Variants in STON1 observed in about 807,000 individuals in gnomAD.
The protein encoded by STON1 is stonin 1, also known as stonin-1.
In STON1, 79 loss-of-function variants were observed where a neutral mutation model predicts 60.9. That is an observed-to-expected ratio of 1.30 (90% CI 1.08 to 1.56). The LOEUF is 1.56. STON1 is among the 40% of genes most tolerant of loss of function. The pLI, the probability that STON1 is intolerant of heterozygous loss-of-function variation, is 0.00. For missense variants in STON1, 1,166 were observed against 858.9 expected, an observed-to-expected ratio of 1.36 and a Z score of -4.47; for synonymous variants, 363 against 306.9, an observed-to-expected ratio of 1.18 and a Z score of -1.91.
At chr2:48,558,761 G>T (rs1223212244) in intron 1 of STON1, among the ~76,000 whole-genome samples, 1 of 152,118 alleles carries the variant, frequency 6.6e-6, no homozygotes, top group Non-Finnish European at 1.5e-5. Context: ...AGCCTTCCTT[G>T]CTCCTGAGCC....
chr2:48,595,308 G>T lies in STON1; in HGVS notation c.*6G>T. The stretch of plus-strand genomic sequence containing the variant: ...GTGACTGCATAACTCAGTAGGAGTA[G>T]CAAGAGTTTATGATGACAGCCCACT... On this transcript the variant is annotated 3_prime_UTR_variant, in exon 4 of 4. Coordinates refer to ENST00000404752, the MANE Select transcript of STON1 (RefSeq NM_006873.4). The T allele has an allele frequency of 6.2e-7, 1 of 1,612,404 alleles. No homozygotes were observed. The highest frequency in any genetic ancestry group is 2.2e-5 in the East Asian group (1 of 44,872).
At chr2:48,546,431 G>C (rs887970987) in intron 1 of STON1, among the ~76,000 whole-genome samples, 1 of 152,154 alleles carries the variant, frequency 6.6e-6, no homozygotes, top group East Asian at 1.9e-4. Context: ...TCAAGATTTA[G>C]CTCTGAAGCT....
chr2:48,557,853 G>T (rs1327529247), intron 1 of STON1, among the ~76,000 whole-genome samples: 1 of 152,214 alleles, frequency 6.6e-6, no homozygotes, highest in African/African-American at 2.4e-5. Flanking sequence ...GCTGAAGTTT[G>T]CTTTTGAGAC....
intron 3 of STON1, among the ~76,000 whole-genome samples, chr2:48,593,866 T>A (rs1278975762): frequency 6.6e-6 from 1 of 152,198 alleles, no homozygotes; most frequent in Non-Finnish European, 1.5e-5. Flanking sequence ...TGATAGGTAG[T>A]GCTGTCCTGT....
chr2:48,560,444 C>G (rs1672562716), intron 1 of STON1, among the ~76,000 whole-genome samples: 1 of 152,196 alleles, frequency 6.6e-6, no homozygotes, highest in African/African-American at 2.4e-5. Context: ...TTTGAGTGCC[C>G]TGCTCTTTCC....
In STON1 at chr2:48,555,174, C is replaced by A. The variant is rs1215053290; in HGVS notation, c.-48+24958C>A. ...ATCCGATTTCTCAATCTTTTCCCCG[C>A]CTTTCCCGCCTTTCTATTCCACAAA... On this transcript the variant is annotated intron_variant, in intron 1 of 3. Coordinates refer to ENST00000404752, the MANE Select transcript of STON1 (RefSeq NM_006873.4). 1.2e-4 allele frequency among the ~76,000 whole-genome samples: 12 copies of A among 98,250 alleles called. 1 individual carries two copies. The highest frequency in any genetic ancestry group is 1.5e-4 in the African/African-American group (4 of 26,026). The allele number at this position is 98,250 out of a possible 152,430, so 64.5% of individuals were successfully genotyped here.
Position 48,591,731 on chromosome 2 carries a change from T to C in STON1, c.2009T>C (p.Phe670Ser). ...GAAATTCCCTCTGATTGGTATCCAT[T>C]TGCTACTGTTCAGTTTTCCGTGCCT... ...DQEIPSDWYPFATVQFSVPDT... is the reference protein window; with the variant it reads ...DQEIPSDWYPSATVQFSVPDT... The change falls in exon 3 of 4, where the codon TTT (phenylalanine) becomes TCT (serine). Residue 670 changes from phenylalanine to serine, a missense_variant. By Grantham distance (155) the Phe-to-Ser change is radical (BLOSUM62 -2). Transcript: ENST00000404752. 6.2e-7 allele frequency: 1 copy of C among 1,614,212 alleles called. No individual in the cohort carries two copies. The highest frequency in any genetic ancestry group is 1.1e-5 in the South Asian group (1 of 91,078).
At chr2:48,570,710 T>C (rs1673157406) in intron 1 of STON1, among the ~76,000 whole-genome samples, 2 of 152,118 alleles carry the variant, frequency 1.3e-5, no homozygotes, top group East Asian at 3.8e-4. Flanking sequence ...TGTCTAATAG[T>C]CTAAAGAGGA....
chr2:48,594,285 C>A (rs190431405), intron 3 of STON1, among the ~76,000 whole-genome samples: 271 of 152,264 alleles, frequency 1.8e-3, no homozygotes, highest in African/African-American at 6.2e-3. Flanking sequence ...GGCATGGAGA[C>A]TGTGTTTATA....
At chr2:48,534,436 C>A (rs567730176) in intron 1 of STON1, among the ~76,000 whole-genome samples, 1 of 152,258 alleles carries the variant, frequency 6.6e-6, no homozygotes, top group South Asian at 2.1e-4. Context: ...GCATCTCTGT[C>A]ACTACTGTCT....
intron 1 of STON1, among the ~76,000 whole-genome samples, chr2:48,553,843 C>A (rs1276997685): frequency 2.0e-5 from 3 of 152,126 alleles, no homozygotes; most frequent in Non-Finnish European, 4.4e-5. Flanking sequence ...TTGAAGGGAC[C>A]TTGGAAACTG....
intron 1 of STON1, among the ~76,000 whole-genome samples, chr2:48,545,791 G>A (rs1474910010): frequency 6.6e-6 from 1 of 152,168 alleles, no homozygotes; most frequent in Non-Finnish European, 1.5e-5. Context: ...ACCCCTTTGT[G>A]ATGTATGTGG....
intron 1 of STON1, among the ~76,000 whole-genome samples, chr2:48,547,401 G>C (rs1334570409): frequency 1.3e-5 from 2 of 152,332 alleles, no homozygotes; most frequent in African/African-American, 4.8e-5. Context: ...ATGAGACCAA[G>C]AGATGGACCA....
chr2:48,595,858 C>G lies in STON1; in HGVS notation c.*556C>G, dbSNP rs1674763154. The stretch of plus-strand genomic sequence containing the variant: ...AATTACTTATTTACCTGTCCTCTTA[C>G]CGTTGGTAAATAATAATTGGCTATA... On this transcript the variant is annotated 3_prime_UTR_variant, in exon 4 of 4. Transcript: ENST00000404752. 1 of 152,584 alleles carries G rather than the reference C, an allele frequency of 6.6e-6. No homozygotes were observed. Among genetic ancestry groups the G allele is most frequent in the African/African-American group, 2.4e-5 (1 of 41,448 alleles). 9.5% of individuals were successfully genotyped at this position (152,584 alleles called of 1,614,324 possible). A position where few individuals can be genotyped will look rare whatever the true frequency, so the allele number is the denominator to read the frequency against.
At position 48,580,943 on chromosome 2, in the gene STON1, C is replaced by G. The variant is rs779376434; in HGVS notation, c.310C>G (p.Pro104Ala). The G allele has an allele frequency of 6.3e-7, 1 of 1,596,450 alleles. No homozygotes were observed. The highest frequency in any genetic ancestry group is 8.5e-7 in the Non-Finnish European group (1 of 1,173,562). ...IPKAGTHVLY[P>A]IPESSSDSPL... Reference sequence around the variant, plus strand: ...CAAAGCAGGGACTCATGTGCTTTATCCTATTCCAGAATCATCTTCAGACAG... The same window carrying G: ...CAAAGCAGGGACTCATGTGCTTTATGCTATTCCAGAATCATCTTCAGACAG... The change falls in exon 2 of 4, where the codon CCT (proline) becomes GCT (alanine). Residue 104 changes from proline (P) to alanine (A), a missense_variant. Pro to Ala is a conservative substitution (Grantham distance 27). Transcript: ENST00000404752.
At chr2:48,536,521 C>A (rs1031092276) in intron 1 of STON1, among the ~76,000 whole-genome samples, 1 of 144,226 alleles carries the variant, frequency 6.9e-6, no homozygotes, top group Non-Finnish European at 1.5e-5. Context: ...GCACTCCAGC[C>A]TGGGTGACAG....
intron 1 of STON1, among the ~76,000 whole-genome samples, chr2:48,541,044 C>A (rs559379448): frequency 6.6e-6 from 1 of 152,292 alleles, no homozygotes; most frequent in East Asian, 1.9e-4. Flanking sequence ...ATTAAATTAA[C>A]TCCTAATTTA....
At chr2:48,559,306 G>T (rs1047168687) in intron 1 of STON1, among the ~76,000 whole-genome samples, 1 of 152,158 alleles carries the variant, frequency 6.6e-6, no homozygotes, top group Non-Finnish European at 1.5e-5. Context: ...GAAATGTCTT[G>T]CTCACAGTTC....
intron 2 of STON1, among the ~76,000 whole-genome samples, chr2:48,583,068 A>C (rs1673991538): frequency 6.6e-6 from 1 of 152,112 alleles, no homozygotes; most frequent in Admixed American, 6.5e-5. Context: ...GACTGAATTC[A>C]CCCATTTGGT....
Sources: gnomAD v4.1 joint callset for allele counts (sites outside exome capture counted in the v4.1 genomes callset) on GRCh38, gnomAD v4.1.1 for gene constraint, MANE v1.5 for transcripts, NCBI Gene and HGNC (gene_info 2026-07-23, HGNC 2026-07-21) for gene names.